IL1RAPL1: variants seen among roughly 807,000 people sequenced by gnomAD.
IL1RAPL1 encodes the protein interleukin-1 receptor accessory protein-like 1.
A neutral mutation model predicts 48.4 loss-of-function variants in IL1RAPL1; 3 were observed. That is an observed-to-expected ratio of 0.06 (90% confidence interval 0.03 to 0.16). The LOEUF (loss-of-function observed/expected upper bound fraction) is 0.16, where lower values mean the gene tolerates loss of function less well. IL1RAPL1 is among the 10% of genes least tolerant of loss of function. The probability of loss-of-function intolerance (pLI) is 1.00; values close to 1 mark genes in which losing one functional copy is unlikely to be tolerated. For missense variants in IL1RAPL1, 349 were observed against 530.6 expected (o/e 0.66, Z 3.36); for synonymous variants, 185 against 187.7 (o/e 0.99, Z 0.12).
intron 6 of IL1RAPL1, among the ~76,000 whole-genome samples, chrX:29,721,948 G>C (rs912140090): frequency 1.8e-5 from 2 of 112,083 alleles, no homozygotes; most frequent in African/African-American, 6.5e-5. Flanking sequence ...ACTTTCAGTT[G>C]TTTCAAAATG....
chrX:29,265,502 T>G (rs1057082007), intron 2 of IL1RAPL1, among the ~76,000 whole-genome samples: 1 of 108,299 alleles, frequency 9.2e-6, no homozygotes, highest in Admixed American at 1.0e-4. Context: ...TTAAGTTTTA[T>G]GGTACATGTG....
chrX:29,422,940 C>T (rs1934308696), intron 5 of IL1RAPL1, among the ~76,000 whole-genome samples: 1 of 111,568 alleles, frequency 9.0e-6, no homozygotes, highest in South Asian at 3.8e-4. Flanking sequence ...GTTGGATATG[C>T]CTCATTATAC....
chrX:29,806,639 C>T (rs1165580069), intron 6 of IL1RAPL1, among the ~76,000 whole-genome samples: 2 of 110,607 alleles, frequency 1.8e-5, no homozygotes, highest in Non-Finnish European at 3.8e-5. Flanking sequence ...ACAGATGGCC[C>T]TGAAATTGAC....
chrX:29,387,891 G>A lies in IL1RAPL1; in HGVS notation c.363-8367G>A, dbSNP rs1317387024. ...GCCTGTAGTCCCAGCTACTTGGGAG[G>A]CTGAGGCACGATAATTCCTTGAACG... On this transcript the variant is annotated intron_variant, in intron 3 of 10. Transcript: ENST00000378993. 4.6e-5 allele frequency among the ~76,000 whole-genome samples: 5 copies of A among 108,993 alleles called. No individual in the cohort carries two copies. In the East Asian group the frequency reaches 1.4e-3, roughly 32 times the overall value. The allele number at this position is 108,993 out of a possible 115,157, so 94.6% of individuals were successfully genotyped here.
intron 6 of IL1RAPL1, among the ~76,000 whole-genome samples, chrX:29,734,937 C>T (rs1469013462): frequency 8.9e-6 from 1 of 112,340 alleles, no homozygotes; most frequent in Non-Finnish European, 1.9e-5. Flanking sequence ...TCTTCTTGCT[C>T]TGTATTCCTC....
rs754906259 is a variant in IL1RAPL1 at position 29,955,657 on chromosome X, T to C, written c.1928T>C (p.Ile643Thr). 5.0e-6 allele frequency: 6 copies of C among 1,209,231 alleles called. No homozygotes were observed. Among genetic ancestry groups the C allele is most frequent in the Admixed American group, 2.2e-5 (1 of 45,713 alleles). Residue 643 changes from isoleucine to threonine, a missense_variant, in exon 11 of 11, where the codon ATA becomes ACA. Physicochemically the swap from Ile to Thr is moderately conservative, Grantham distance 89. This residue lies in a region of IL1RAPL1 where 65 missense variants were observed against 79.6 expected (regional missense o/e 0.82). Transcript: ENST00000378993. ...PPTGTLPLTS[I>T]GNQHTYCNIP... ...ACCGGCACCCTGCCTCTTACCTCCA[T>C]AGGCAATCAGCATACCTACTGTAAC...
intron 2 of IL1RAPL1, among the ~76,000 whole-genome samples, chrX:28,960,348 T>C (rs1162125312): frequency 8.9e-6 from 1 of 111,744 alleles, no homozygotes; most frequent in East Asian, 2.8e-4. Flanking sequence ...TTTCCCAGTA[T>C]GTGTCTTTAA....
intron 5 of IL1RAPL1, among the ~76,000 whole-genome samples, chrX:29,550,945 C>G (rs1370858645): frequency 8.9e-6 from 1 of 112,173 alleles, no homozygotes; most frequent in Non-Finnish European, 1.9e-5. Context: ...AACTGAAACT[C>G]TGCACCCATT....
chrX:29,500,994 C>T lies in IL1RAPL1; in HGVS notation c.703+101686C>T, dbSNP rs776585523. 5.4e-5 allele frequency among the ~76,000 whole-genome samples: 6 copies of T among 111,698 alleles called. No individual in the cohort carries two copies. In the East Asian group the frequency reaches 1.7e-3, roughly 31 times the overall value. ...TGTCATTTTTTAAAGACCATTTTAA[C>T]ATGGGTGAAATGATATCTCATTGTT... On this transcript the variant is annotated intron_variant, in intron 5 of 10. Coordinates refer to ENST00000378993, the MANE Select transcript of IL1RAPL1 (RefSeq NM_014271.4).
At chrX:29,024,993 C>A (rs1263357978) in intron 2 of IL1RAPL1, among the ~76,000 whole-genome samples, 1 of 111,337 alleles carries the variant, frequency 9.0e-6, no homozygotes, top group Non-Finnish European at 1.9e-5. Flanking sequence ...CCCTAGGCAA[C>A]CACTAATCCA....
intron 5 of IL1RAPL1, among the ~76,000 whole-genome samples, chrX:29,506,432 T>TC (rs1556025723): frequency 9.3e-5 from 2 of 21,533 alleles, no homozygotes; most frequent in African/African-American, 1.6e-4. Context: ...TTCTTCTCCT[T>TC]CTCCTTCTCC....
chrX:29,851,366 A>C (rs941277788), intron 6 of IL1RAPL1, among the ~76,000 whole-genome samples: 10 of 111,453 alleles, frequency 9.0e-5, no homozygotes, highest in African/African-American at 3.3e-4. Flanking sequence ...AGTAGTCCCA[A>C]ATATCGCCCG....
chrX:29,344,625 A>G (rs1022506500), intron 3 of IL1RAPL1, among the ~76,000 whole-genome samples: 1 of 110,978 alleles, frequency 9.0e-6, no homozygotes, highest in Non-Finnish European at 1.9e-5. Context: ...AGAGGTAACC[A>G]TGTTTTTTTT....
intron 1 of IL1RAPL1, among the ~76,000 whole-genome samples, chrX:28,638,571 A>G (rs1028279529): frequency 1.0e-4 from 11 of 110,019 alleles, no homozygotes; most frequent in Non-Finnish European, 1.9e-4. Flanking sequence ...TAGGAAAAAT[A>G]CATGCTTAAT....
intron 5 of IL1RAPL1, among the ~76,000 whole-genome samples, chrX:29,518,325 T>G (rs760330826): frequency 9.0e-6 from 1 of 111,059 alleles, no homozygotes; most frequent in South Asian, 3.8e-4. Flanking sequence ...AGATTGTGAT[T>G]CCATAGGTCT....
At chrX:29,739,519 C>T (rs772402220) in intron 6 of IL1RAPL1, among the ~76,000 whole-genome samples, 46 of 111,395 alleles carry the variant, frequency 4.1e-4, no homozygotes, top group Non-Finnish European at 7.5e-4. Context: ...ATGTATAACA[C>T]GTCCTGCTTC....
chrX:29,807,017 C>G (rs1030196158), intron 6 of IL1RAPL1, among the ~76,000 whole-genome samples: 9 of 110,955 alleles, frequency 8.1e-5, no homozygotes, highest in African/African-American at 2.9e-4. Context: ...AGCAGTCATG[C>G]ATACTGTATA....
intron 6 of IL1RAPL1, among the ~76,000 whole-genome samples, chrX:29,714,723 C>T (rs1313922570): frequency 9.0e-6 from 1 of 111,728 alleles, no homozygotes; most frequent in Non-Finnish European, 1.9e-5. Flanking sequence ...TACAGAAGCT[C>T]TATGTCTGGA....
chrX:29,052,727 A>G (rs1356448422), intron 2 of IL1RAPL1, among the ~76,000 whole-genome samples: 1 of 110,945 alleles, frequency 9.0e-6, no homozygotes, highest in Admixed American at 9.7e-5. Context: ...GCTGGAATGC[A>G]ATGGCATGAT....
Sources: gnomAD v4.1 joint callset for allele counts (sites outside exome capture counted in the v4.1 genomes callset) on GRCh38, gnomAD v4.1.1 for gene constraint, gnomAD v4.1.1 regional missense constraint, MANE v1.5 for transcripts, NCBI Gene and HGNC (gene_info 2026-07-23, HGNC 2026-07-21) for gene names.